The following PCDHA2 variants were observed in gnomAD, a reference collection of about 807,000 sequenced individuals.
The protein encoded by PCDHA2 is protocadherin alpha-2.
In PCDHA2, 58 loss-of-function variants were observed where a neutral mutation model predicts 66.0. The ratio of observed to expected loss-of-function variants is 0.88; its 90% CI spans 0.71 to 1.09. PCDHA2 has a LOEUF of 1.09. Ranked by LOEUF, PCDHA2 falls within the 50% of genes least tolerant of loss-of-function variation. The pLI, the probability that PCDHA2 is intolerant of heterozygous loss-of-function variation, is 0.00. For missense variants in PCDHA2, 1,267 were observed against 1,242.3 expected (o/e 1.02, Z -0.30); for synonymous variants, 634 against 554.0 (o/e 1.14, Z -2.03).
intron 1 of PCDHA2, among the ~76,000 whole-genome samples, chr5:140,976,809 T>C (rs1563451400): frequency 6.6e-6 from 1 of 152,220 alleles, no homozygotes; most frequent in Non-Finnish European, 1.5e-5. Flanking sequence ...TATCTGAAGA[T>C]ATGCATGTGT....
At chr5:140,869,712 G>A in intron 1 of PCDHA2, 4 of 1,613,408 alleles carry the variant, frequency 2.5e-6, no homozygotes, top group South Asian at 1.1e-5. Context: ...TGGATAGAGA[G>A]AAAACTCCGG....
chr5:140,814,564 T>C (rs1182489958), intron 1 of PCDHA2: 1 of 152,198 alleles, frequency 6.6e-6, no homozygotes, highest in Non-Finnish European at 1.5e-5. Flanking sequence ...GTATCAAGTA[T>C]TATGTACTGT....
chr5:140,961,748 A>G (rs2095633419), intron 1 of PCDHA2, among the ~76,000 whole-genome samples: 1 of 152,184 alleles, frequency 6.6e-6, no homozygotes, highest in Non-Finnish European at 1.5e-5. Flanking sequence ...GTAATATTAC[A>G]GTTTTGAAGG....
Position 141,010,117 on chromosome 5 carries a change from T to C in PCDHA2, c.*180T>C. Reference sequence around the variant, plus strand: ...TTTAACAGGTTTTGTCGTAAAAGCTTTACTAAGTCTGGTGTTAACTCTTTC... The same window carrying C: ...TTTAACAGGTTTTGTCGTAAAAGCTCTACTAAGTCTGGTGTTAACTCTTTC... On this transcript the variant is annotated 3_prime_UTR_variant, in exon 4 of 4. Transcript: ENST00000526136. 1 of 1,608,612 alleles carries C rather than the reference T, an allele frequency of 6.2e-7. No individual in the cohort carries two copies. The highest frequency in any genetic ancestry group is 8.5e-7 in the Non-Finnish European group (1 of 1,177,044).
intron 1 of PCDHA2, chr5:140,810,991 A>C (rs1764773590): frequency 1.3e-5 from 2 of 152,028 alleles, no homozygotes; most frequent in African/African-American, 4.8e-5. Flanking sequence ...AGGGGTCAAG[A>C]TTTATTTTTA....
chr5:140,872,785 C>T (rs781982200), intron 1 of PCDHA2, among the ~76,000 whole-genome samples: 12 of 152,072 alleles, frequency 7.9e-5, no homozygotes, highest in Non-Finnish European at 1.3e-4. Context: ...ATAATATATG[C>T]TAGTTGGCAT....
chr5:140,798,610 G>A (rs574509629), intron 1 of PCDHA2, among the ~76,000 whole-genome samples: 2 of 152,116 alleles, frequency 1.3e-5, no homozygotes, highest in Non-Finnish European at 1.5e-5. Context: ...AATTCTATGC[G>A]TGGGAATACA....
chr5:140,966,702 G>T, intron 1 of PCDHA2: 1 of 1,367,880 alleles, frequency 7.3e-7, no homozygotes. Flanking sequence ...GCCCGGGCGT[G>T]GGGCACGGCT....
At position 140,833,586 on chromosome 5, in the gene PCDHA2, T is replaced by C. The variant is rs1377047796; in HGVS notation, c.2388+36234T>C. Among the ~76,000 whole-genome samples the C allele has an allele frequency of 3.9e-5, 6 of 152,200 alleles. No homozygotes were observed. The East Asian group carries it at 9.7e-4, about 25-fold the overall frequency. ...ATAAAATGATGAACTCCTGAAACAGTATATATAGATTCTGCTAAAGCAAAA... is the reference window on the plus strand; with the variant it reads ...ATAAAATGATGAACTCCTGAAACAGCATATATAGATTCTGCTAAAGCAAAA... On this transcript the variant is annotated intron_variant, in intron 1 of 3. Transcript: ENST00000526136.
rs1762161263 is a variant in PCDHA2 at position 140,796,951 on chromosome 5, G to A, written c.1987G>A (p.Ala663Thr). 1 of 1,613,714 alleles carries A rather than the reference G, an allele frequency of 6.2e-7. No homozygotes were observed. The highest frequency in any genetic ancestry group is 8.5e-7 in the Non-Finnish European group (1 of 1,179,990). The part of the protein sequence containing the change: ...DHGEPALTAT[A>T]TVLVSLVESG... ...CGGCGAACCAGCGTTGACAGCCACG[G>A]CCACCGTGTTAGTGTCGTTGGTGGA... The change falls in exon 1 of 4, where the codon GCC becomes ACC. Residue 663 changes from alanine (A) to threonine (T), a missense_variant. Coordinates refer to ENST00000526136, the MANE Select transcript of PCDHA2 (RefSeq NM_018905.3).
At chr5:140,871,728 G>A in intron 1 of PCDHA2, 1 of 724,824 alleles carries the variant, frequency 1.4e-6, no homozygotes, top group South Asian at 2.4e-5. Flanking sequence ...CTTAATATTT[G>A]GTTAGCAAAT....
chr5:140,978,633 CA>C (rs2096813426), intron 1 of PCDHA2, among the ~76,000 whole-genome samples: 1 of 152,214 alleles, frequency 6.6e-6, no homozygotes, highest in South Asian at 2.1e-4. Context: ...TTTCCTTTCT[CA>C]AAGCAGACTG....
intron 1 of PCDHA2, chr5:140,822,564 GA>G: frequency 6.2e-7 from 1 of 1,613,090 alleles, no homozygotes; most frequent in Non-Finnish European, 8.5e-7. Context: ...TTATTAAACT[GA>G]ACGCCTCAGA....
rs2098415068 is a variant in PCDHA2, at chr5:141,009,865, AAAG to A, written c.2782_2784del (p.Lys928del). The A allele has an allele frequency of 3.1e-6, 5 of 1,614,074 alleles. No homozygotes were observed. The highest frequency in any genetic ancestry group is 4.5e-5 in the East Asian group (2 of 44,872). On this transcript the variant is annotated inframe_deletion, in exon 4 of 4. Transcript: ENST00000526136. ...AGGAGGAGACCAAGAAAAAGAAGAA[AAAG>A]AAGAAGGGTAACAAGACCCAGGAGA...
chr5:140,843,246 C>G (rs1554139882), intron 1 of PCDHA2: 9 of 1,595,918 alleles, frequency 5.6e-6, no homozygotes, highest in Middle Eastern at 1.7e-4. Flanking sequence ...GAAGCGGACT[C>G]TCCGCGCCAC....
chr5:140,984,644 C>T (rs969349039), intron 3 of PCDHA2, among the ~76,000 whole-genome samples: 20 of 152,136 alleles, frequency 1.3e-4, no homozygotes, highest in African/African-American at 4.3e-4. Context: ...CTGCCTTCTC[C>T]CTGTCCTTCT....
At chr5:140,957,548 T>C (rs1554223015) in intron 1 of PCDHA2, among the ~76,000 whole-genome samples, 1 of 152,154 alleles carries the variant, frequency 6.6e-6, no homozygotes, top group Non-Finnish European at 1.5e-5. Flanking sequence ...GAAAGTATTC[T>C]CTGTGGAAAA....
intron 1 of PCDHA2, chr5:140,809,370 C>G: frequency 6.2e-7 from 1 of 1,614,004 alleles, no homozygotes; most frequent in Non-Finnish European, 8.5e-7. Context: ...GCGCTGCCCA[C>G]CGAGGGCGCG....
intron 1 of PCDHA2, chr5:140,882,420 A>G: frequency 1.2e-6 from 2 of 1,614,046 alleles, no homozygotes; most frequent in Non-Finnish European, 1.7e-6. Flanking sequence ...ATCGCTCAGG[A>G]CCTGGGGCTG....
Sources: gnomAD v4.1 joint callset for allele counts (sites outside exome capture counted in the v4.1 genomes callset) on GRCh38, gnomAD v4.1.1 for gene constraint, MANE v1.5 for transcripts, NCBI Gene and HGNC (gene_info 2026-07-23, HGNC 2026-07-21) for gene names.